KCNJ6: variants seen among roughly 807,000 people sequenced by gnomAD.
KCNJ6 encodes G protein-activated inward rectifier potassium channel 2.
In KCNJ6, 9 loss-of-function variants were observed where a neutral mutation model predicts 34.2. That is an observed-to-expected ratio of 0.26 (90% CI 0.16 to 0.46). KCNJ6 has a LOEUF of 0.46. Ranked by LOEUF, KCNJ6 falls within the 20% of genes least tolerant of loss-of-function variation. The pLI is 1.00. For missense variants in KCNJ6, 236 were observed against 531.3 expected (o/e 0.44, Z 5.46); for synonymous variants, 196 against 207.1 (o/e 0.95, Z 0.46).
intron 3 of KCNJ6, among the ~76,000 whole-genome samples, chr21:37,648,670 G>A (rs1335241416): frequency 6.6e-6 from 1 of 152,162 alleles, no homozygotes; most frequent in Non-Finnish European, 1.5e-5. Context: ...ATTTTATTAT[G>A]CTGCTTCTTG....
intron 1 of KCNJ6, among the ~76,000 whole-genome samples, chr21:37,847,548 A>G (rs921935922): frequency 1.3e-5 from 2 of 152,248 alleles, no homozygotes; most frequent in African/African-American, 2.4e-5. Context: ...TGATGTGCAC[A>G]AGATGGACAC....
At chr21:37,648,766 C>T (rs2054417272) in intron 3 of KCNJ6, among the ~76,000 whole-genome samples, 1 of 152,162 alleles carries the variant, frequency 6.6e-6, no homozygotes. Context: ...AATCACATCA[C>T]ACTGAACTCA....
Position 37,886,103 on chromosome 21 carries a change from C to T in KCNJ6, c.-28+29781G>A, listed in dbSNP as rs140600484. On this transcript the variant is annotated intron_variant, in intron 1 of 3. Coordinates refer to ENST00000609713, the MANE Select transcript of KCNJ6 (RefSeq NM_002240.5). ...GTGGGCTGGAAAGAATGAGGATCCT[C>T]CACTTCTCAAGACTCTTTTTGCTAC... 2.0e-3 allele frequency among the ~76,000 whole-genome samples: 305 copies of T among 152,270 alleles called. 1 individual carries two copies. The highest frequency in any genetic ancestry group is 3.1e-3 in the Non-Finnish European group (214 of 68,024).
At chr21:37,821,266 T>C (rs2055371813) in intron 2 of KCNJ6, among the ~76,000 whole-genome samples, 1 of 152,222 alleles carries the variant, frequency 6.6e-6, no homozygotes, top group Non-Finnish European at 1.5e-5. Flanking sequence ...TTACCTACAT[T>C]GTTGCACAAT....
At chr21:37,914,443 G>A (rs1026578378) in intron 1 of KCNJ6, among the ~76,000 whole-genome samples, 1 of 152,138 alleles carries the variant, frequency 6.6e-6, no homozygotes, top group African/African-American at 2.4e-5. Flanking sequence ...AGGTTTCAGG[G>A]GCACCCGGCC....
intron 2 of KCNJ6, among the ~76,000 whole-genome samples, chr21:37,828,435 G>C (rs1002152042): frequency 2.0e-5 from 3 of 152,186 alleles, no homozygotes; most frequent in Non-Finnish European, 4.4e-5. Flanking sequence ...AATTCAGGGA[G>C]CCTGTGGGCT....
intron 3 of KCNJ6, among the ~76,000 whole-genome samples, chr21:37,688,934 T>C (rs1037120837): frequency 6.6e-6 from 1 of 152,246 alleles, no homozygotes; most frequent in Non-Finnish European, 1.5e-5. Context: ...GTTTCATGAA[T>C]ATAATTCTAT....
intron 3 of KCNJ6, among the ~76,000 whole-genome samples, chr21:37,662,951 T>C (rs1469288774): frequency 6.6e-6 from 1 of 152,222 alleles, no homozygotes; most frequent in Non-Finnish European, 1.5e-5. Context: ...CACTTTTTAA[T>C]GAGGTGGTTT....
intron 2 of KCNJ6, among the ~76,000 whole-genome samples, chr21:37,805,819 C>T (rs1007985313): frequency 2.0e-5 from 3 of 152,090 alleles, no homozygotes; most frequent in Non-Finnish European, 4.4e-5. Flanking sequence ...TGCAGTGATG[C>T]GTCTGCAAGC....
At chr21:37,702,816 A>G (rs775435551) in intron 3 of KCNJ6, among the ~76,000 whole-genome samples, 16 of 152,266 alleles carry the variant, frequency 1.1e-4, no homozygotes, top group Non-Finnish European at 2.1e-4. Flanking sequence ...GAGGGAAAGC[A>G]GTAGGGGAGT....
intron 1 of KCNJ6, among the ~76,000 whole-genome samples, chr21:37,889,560 C>A (rs1057201264): frequency 6.6e-6 from 1 of 152,172 alleles, no homozygotes; most frequent in Non-Finnish European, 1.5e-5. Context: ...CAAAGTACTA[C>A]AACCTGGGTG....
At chr21:37,864,968 G>A (rs1344117018) in intron 1 of KCNJ6, among the ~76,000 whole-genome samples, 7 of 151,396 alleles carry the variant, frequency 4.6e-5, no homozygotes, top group East Asian at 1.9e-4. Context: ...GACTCCCAAA[G>A]TGCTGGGATT....
At chr21:37,701,993 G>A (rs1240317255) in intron 3 of KCNJ6, among the ~76,000 whole-genome samples, 1 of 152,186 alleles carries the variant, frequency 6.6e-6, no homozygotes, top group Non-Finnish European at 1.5e-5. Context: ...AGCACTTTGG[G>A]AGGCTGAGGT....
intron 3 of KCNJ6, among the ~76,000 whole-genome samples, chr21:37,635,461 GC>G (rs1245659633): frequency 4.0e-5 from 6 of 151,884 alleles, no homozygotes; most frequent in African/African-American, 1.5e-4. Flanking sequence ...CAGGTGATCT[GC>G]CTGCCTCAGC....
chr21:37,871,053 T>G (rs1455219295), intron 1 of KCNJ6, among the ~76,000 whole-genome samples: 1 of 152,078 alleles, frequency 6.6e-6, no homozygotes, highest in African/African-American at 2.4e-5. Context: ...ATTCATTACC[T>G]TTTTTTTTCC....
At chr21:37,657,930 G>A (rs77495968) in intron 3 of KCNJ6, among the ~76,000 whole-genome samples, 1,870 of 152,306 alleles carry the variant, frequency 0.012, 21 homozygotes, top group Middle Eastern at 0.02. Flanking sequence ...GTGGTGAGTC[G>A]GGATTTGAAC....
chr21:37,711,230 C>T (rs2054750352), intron 3 of KCNJ6, among the ~76,000 whole-genome samples: 1 of 152,240 alleles, frequency 6.6e-6, no homozygotes, highest in African/African-American at 2.4e-5. Flanking sequence ...CCTGAGCTCC[C>T]AGCAGACGGA....
chr21:37,717,438 G>T (rs1023991409), intron 2 of KCNJ6, among the ~76,000 whole-genome samples: 7 of 151,694 alleles, frequency 4.6e-5, no homozygotes, highest in African/African-American at 1.7e-4. Flanking sequence ...TGGGTGTATG[G>T]ATGGAGGCAA....
Position 37,613,166 on chromosome 21 carries a change from T to C in KCNJ6, c.*11993A>G, listed in dbSNP as rs1386403887. 2 of 152,144 alleles carry C rather than the reference T, an allele frequency of 1.3e-5. No individual in the cohort carries two copies. The highest frequency in any genetic ancestry group is 2.9e-5 in the Non-Finnish European group (2 of 68,020). 9.4% of individuals were successfully genotyped at this position (152,144 alleles called of 1,614,324 possible). On this transcript the variant is annotated 3_prime_UTR_variant, in exon 4 of 4. Coordinates refer to ENST00000609713, the MANE Select transcript of KCNJ6 (RefSeq NM_002240.5). ...CACCTCACCAAAGAAGATGTACAGA[T>C]GGAAAACAAGCATATAAAAATATGT...
Sources: allele counts gnomAD v4.1 joint callset (sites outside exome capture counted in the v4.1 genomes callset), GRCh38; gene constraint gnomAD v4.1.1; transcripts MANE v1.5; gene names NCBI Gene and HGNC (gene_info 2026-07-23, HGNC 2026-07-21).